CTNNA3: variants seen among roughly 807,000 people sequenced by gnomAD.
The protein encoded by CTNNA3 is catenin alpha 3.
Under a neutral mutation model 95.7 loss-of-function variants are expected in CTNNA3, and 76 were observed. The ratio of observed to expected loss-of-function variants is 0.79; its 90% CI spans 0.66 to 0.96. CTNNA3 has a LOEUF of 0.96. Ranked by LOEUF, CTNNA3 falls within the 40% of genes least tolerant of loss-of-function variation. The probability of loss-of-function intolerance (pLI) is 0.00; values close to 1 mark genes in which losing one functional copy is unlikely to be tolerated. For synonymous variants in CTNNA3, 431 were observed against 374.4 expected (o/e 1.15, Z -1.74); for missense variants, 1,191 against 1,089.8 (o/e 1.09, Z -1.31).
At chr10:66,543,037 A>C (rs1366487022) in intron 10 of CTNNA3, among the ~76,000 whole-genome samples, 1 of 152,166 alleles carries the variant, frequency 6.6e-6, no homozygotes. Flanking sequence ...TTAATAAATA[A>C]ACACCATATA....
chr10:66,067,979 T>C (rs2080348824), intron 15 of CTNNA3, among the ~76,000 whole-genome samples: 1 of 152,168 alleles, frequency 6.6e-6, no homozygotes. Context: ...TGAAGTATAG[T>C]ACAGATATGG....
chr10:66,934,176 T>C (rs1450096821), intron 7 of CTNNA3, among the ~76,000 whole-genome samples: 1 of 152,106 alleles, frequency 6.6e-6, no homozygotes, highest in African/African-American at 2.4e-5. Context: ...TAATCCATTT[T>C]ATTGAAAAAA....
intron 5 of CTNNA3, among the ~76,000 whole-genome samples, chr10:67,433,524 T>C (rs1198623429): frequency 6.6e-6 from 1 of 152,086 alleles, no homozygotes; most frequent in African/African-American, 2.4e-5. Flanking sequence ...ACCTTCTATC[T>C]GTAAAAAATG....
At chr10:65,951,838 G>C (rs954358713) in intron 17 of CTNNA3, among the ~76,000 whole-genome samples, 12 of 152,074 alleles carry the variant, frequency 7.9e-5, no homozygotes, top group Non-Finnish European at 1.6e-4. Flanking sequence ...GACCATCCTG[G>C]CTAACACGGT....
intron 15 of CTNNA3, among the ~76,000 whole-genome samples, chr10:66,024,085 A>ATTTTTTCTTTTTTTTTTTTTTTT (rs2079283156): frequency 1.1e-5 from 1 of 87,750 alleles, no homozygotes; most frequent in Non-Finnish European, 2.1e-5. Context: ...TACCATACAC[A>ATTTTTTCTTTTTTTTTTTTTTTT]TTTTTTTTTT....
chr10:66,498,472 C>T (rs1840171227), intron 11 of CTNNA3, among the ~76,000 whole-genome samples: 1 of 152,032 alleles, frequency 6.6e-6, no homozygotes, highest in African/African-American at 2.4e-5. Flanking sequence ...AAGTTTTTCT[C>T]CTCTACTATT....
chr10:67,744,058 A>G (rs1421665826), intron 1 of CTNNA3, among the ~76,000 whole-genome samples: 4 of 151,314 alleles, frequency 2.6e-5, no homozygotes, highest in Admixed American at 6.6e-5. Flanking sequence ...AATCAATACC[A>G]TGAAAATGGC....
chr10:66,661,371 G>T (rs1411268592), intron 9 of CTNNA3, among the ~76,000 whole-genome samples: 1 of 152,002 alleles, frequency 6.6e-6, no homozygotes, highest in African/African-American at 2.4e-5. Flanking sequence ...AGACTGATTC[G>T]CTATCACGAG....
intron 12 of CTNNA3, among the ~76,000 whole-genome samples, chr10:66,339,666 G>C (rs972611912): frequency 6.6e-6 from 1 of 151,680 alleles, no homozygotes; most frequent in Admixed American, 6.6e-5. Context: ...CTTGAGTGCC[G>C]TCTAATGTCC....
At chr10:67,750,247 C>T in intron 1 of CTNNA3, 1 of 1,485,606 alleles carries the variant, frequency 6.7e-7, no homozygotes. Flanking sequence ...GGACGTGAGA[C>T]TTCTAGTGCT....
chr10:66,680,327 G>A (rs1438178292), intron 9 of CTNNA3, among the ~76,000 whole-genome samples: 1 of 151,958 alleles, frequency 6.6e-6, no homozygotes, highest in Non-Finnish European at 1.5e-5. Context: ...ACCACACCTG[G>A]CCAGTGAGCC....
At chr10:66,357,101 G>C (rs1267978869) in intron 12 of CTNNA3, among the ~76,000 whole-genome samples, 1 of 151,892 alleles carries the variant, frequency 6.6e-6, no homozygotes. Context: ...TTGATCCCTC[G>C]GGTATTACTG....
intron 9 of CTNNA3, 68 bp from the exon 10 acceptor site, chr10:66,621,852 G>T: frequency 2.4e-6 from 2 of 840,330 alleles, no homozygotes; most frequent in Non-Finnish European, 3.8e-6. Flanking sequence ...CACTTATACT[G>T]AACAAGAACA....
intron 12 of CTNNA3, among the ~76,000 whole-genome samples, chr10:66,352,681 C>T (rs911335844): frequency 8.5e-5 from 13 of 152,058 alleles, no homozygotes; most frequent in South Asian, 2.1e-4. Context: ...TCTTAAGGTG[C>T]CATTGAGTTG....
chr10:66,397,311 C>T (rs2092986269), intron 11 of CTNNA3, among the ~76,000 whole-genome samples: 1 of 151,766 alleles, frequency 6.6e-6, no homozygotes, highest in African/African-American at 2.4e-5. Flanking sequence ...ATAGCTAAGG[C>T]TTAGGGAACT....
At chr10:66,782,392 C>CA (rs1373986281) in intron 7 of CTNNA3, among the ~76,000 whole-genome samples, 4 of 152,230 alleles carry the variant, frequency 2.6e-5, no homozygotes, top group Non-Finnish European at 5.9e-5. Flanking sequence ...GGAATGCCCC[C>CA]ATCTCTTCTT....
intron 16 of CTNNA3, among the ~76,000 whole-genome samples, chr10:65,987,784 A>G (rs966664034): frequency 1.3e-5 from 2 of 152,116 alleles, no homozygotes; most frequent in African/African-American, 4.8e-5. Context: ...GTTAGAATCA[A>G]TCTAACTGTC....
intron 12 of CTNNA3, among the ~76,000 whole-genome samples, chr10:66,323,124 G>A (rs966124863): frequency 1.3e-5 from 2 of 151,766 alleles, no homozygotes; most frequent in East Asian, 1.9e-4. Flanking sequence ...ACCACATTAC[G>A]GGGTCCCTTT....
chr10:66,520,798 T>G (rs1307459552), intron 10 of CTNNA3, 25 bp from the exon 11 acceptor site: 1 of 1,598,152 alleles, frequency 6.3e-7, no homozygotes, highest in Non-Finnish European at 8.6e-7. Flanking sequence ...ATTGAAAAAA[T>G]TACCTATTGG....
Sources: gnomAD v4.1 joint callset for allele counts (sites outside exome capture counted in the v4.1 genomes callset) on GRCh38, gnomAD v4.1.1 for gene constraint, MANE v1.5 for transcripts, NCBI Gene and HGNC (gene_info 2026-07-23, HGNC 2026-07-21) for gene names.